BMP2K: variants seen among roughly 807,000 people sequenced by gnomAD.
BMP2K encodes the protein BMP2 inducible kinase, also known as BMP-2-inducible protein kinase.
BMP2K carries 74 observed loss-of-function variants against 116.0 expected under a neutral mutation model. That is an observed-to-expected ratio of 0.64 (90% confidence interval 0.53 to 0.77). The LOEUF (loss-of-function observed/expected upper bound fraction) is 0.77. Ranked by LOEUF, BMP2K falls within the 30% of genes least tolerant of loss-of-function variation. BMP2K has a pLI of 0.00. For synonymous variants in BMP2K, 486 were observed against 502.5 expected (o/e 0.97, Z 0.44); for missense variants, 1,365 against 1,403.6 (o/e 0.97, Z 0.44).
intron 10 of BMP2K, among the ~76,000 whole-genome samples, chr4:78,866,105 G>C (rs751627466): frequency 6.6e-6 from 1 of 152,108 alleles, no homozygotes; most frequent in Non-Finnish European, 1.5e-5. Flanking sequence ...TCTTTGTATT[G>C]CACCTAGAGC....
intron 1 of BMP2K, among the ~76,000 whole-genome samples, chr4:78,806,648 T>TA (rs1386274487): frequency 1.3e-5 from 2 of 151,706 alleles, no homozygotes; most frequent in Non-Finnish European, 2.9e-5. Context: ...AACCAAAATT[T>TA]AAAAAAAAGT....
intron 9 of BMP2K, among the ~76,000 whole-genome samples, chr4:78,862,168 AC>A (rs1731830562): frequency 1.3e-5 from 2 of 152,074 alleles, no homozygotes; most frequent in Non-Finnish European, 2.9e-5. Flanking sequence ...TTATTTGTTT[AC>A]ACAATACAAA....
chr4:78,841,658 C>T (rs899907538), intron 3 of BMP2K, among the ~76,000 whole-genome samples: 2 of 152,098 alleles, frequency 1.3e-5, no homozygotes, highest in Non-Finnish European at 2.9e-5. Context: ...CCTTGCCAGT[C>T]TCATCTCACC....
chr4:78,887,944 T>A (rs568091664), intron 15 of BMP2K: 1 of 152,436 alleles, frequency 6.6e-6, no homozygotes, highest in Admixed American at 6.5e-5. Context: ...GTTCGATATA[T>A]TCATGGTAAC....
At chr4:78,854,489 G>T (rs1168725302) in intron 7 of BMP2K, among the ~76,000 whole-genome samples, 1 of 152,002 alleles carries the variant, frequency 6.6e-6, no homozygotes, top group African/African-American at 2.4e-5. Flanking sequence ...GGTCAGGCTG[G>T]TCTTGAACTT....
intron 1 of BMP2K, among the ~76,000 whole-genome samples, chr4:78,799,032 CT>C (rs1317326855): frequency 6.6e-6 from 1 of 152,142 alleles, no homozygotes; most frequent in East Asian, 1.9e-4. Context: ...GTCTAGAGAA[CT>C]TTCTACTCCA....
At chr4:78,863,827 C>T (rs1024813706) in intron 9 of BMP2K, among the ~76,000 whole-genome samples, 1 of 152,138 alleles carries the variant, frequency 6.6e-6, no homozygotes, top group Non-Finnish European at 1.5e-5. Context: ...TAAAGTCAAA[C>T]TTATTATGAA....
intron 10 of BMP2K, among the ~76,000 whole-genome samples, chr4:78,870,072 TAA>T (rs1369910684): frequency 1.3e-5 from 2 of 152,210 alleles, no homozygotes; most frequent in East Asian, 3.8e-4. Flanking sequence ...TATATTGCAT[TAA>T]GTGTATATCT....
intron 9 of BMP2K, among the ~76,000 whole-genome samples, chr4:78,863,122 G>A (rs141133662): frequency 2.6e-4 from 39 of 152,040 alleles, no homozygotes; most frequent in African/African-American, 9.4e-4. Flanking sequence ...ATGAAATAGT[G>A]CTATTAAAAT....
intron 3 of BMP2K, among the ~76,000 whole-genome samples, chr4:78,839,436 A>T (rs933494160): frequency 6.6e-6 from 1 of 152,234 alleles, no homozygotes; most frequent in Non-Finnish European, 1.5e-5. Flanking sequence ...CCCAAATCAA[A>T]GAGCAGGAAA....
intron 10 of BMP2K, among the ~76,000 whole-genome samples, chr4:78,868,947 A>G (rs1732198913): frequency 6.6e-6 from 1 of 152,136 alleles, no homozygotes; most frequent in East Asian, 1.9e-4. Flanking sequence ...TGCAAGCTGT[A>G]GGTGGATCTA....
chr4:78,883,593 C>G (rs1239694909), intron 14 of BMP2K, among the ~76,000 whole-genome samples: 1 of 152,168 alleles, frequency 6.6e-6, no homozygotes, highest in Non-Finnish European at 1.5e-5. Context: ...ATAAGTTCCC[C>G]TCTACATGAT....
At chr4:78,783,047 T>C (rs188968590) in intron 1 of BMP2K, among the ~76,000 whole-genome samples, 2 of 152,358 alleles carry the variant, frequency 1.3e-5, no homozygotes, top group Admixed American at 1.3e-4. Context: ...AAGTTCCGAT[T>C]TGGTTATACG....
intron 1 of BMP2K, among the ~76,000 whole-genome samples, chr4:78,820,316 TTTC>T (rs926658232): frequency 1.1e-4 from 16 of 152,198 alleles, no homozygotes; most frequent in Middle Eastern, 3.4e-3. Context: ...ATACAACCAT[TTTC>T]TTCTTCTGGT....
intron 3 of BMP2K, among the ~76,000 whole-genome samples, chr4:78,836,214 G>A (rs1382875161): frequency 2.0e-5 from 3 of 151,878 alleles, no homozygotes; most frequent in Admixed American, 6.6e-5. Context: ...TCAGGAGTTC[G>A]AGACCAGCCT....
In BMP2K at chr4:78,870,928, C is replaced by CCAG. The variant is rs3063772; in HGVS notation, c.1401_1403dup (p.Gln486dup). 5.5e-3 allele frequency: 8,850 copies of CCAG among 1,599,282 alleles called. 224 individuals carry two copies. The African/African-American group carries it at 0.092, about 17-fold the overall frequency. On this transcript the variant is annotated inframe_insertion, in exon 11 of 16. Transcript: ENST00000502613. ...TCCATTTACAGCATCGTCATCCTCACCAGCAGCAGCAGCAGCAGCAGCAGC... is the reference window on the plus strand; with the variant it reads ...TCCATTTACAGCATCGTCATCCTCACCAGCAGCAGCAGCAGCAGCAGCAGCAGC...
intron 1 of BMP2K, among the ~76,000 whole-genome samples, chr4:78,790,455 G>A (rs1289257866): frequency 6.6e-6 from 1 of 152,054 alleles, no homozygotes; most frequent in Non-Finnish European, 1.5e-5. Flanking sequence ...TATCACCTAA[G>A]AGCTAAACTC....
At position 78,861,385 on chromosome 4, in the gene BMP2K, C is replaced by A; in HGVS notation, c.988-4C>A. ...ATGAGACGTTTTATTTTTTTTCTTC[C>A]AAGAATTCTTCTATTCCTTCAGCTC... On this transcript the variant is annotated splice_region_variant and splice_polypyrimidine_tract_variant and intron_variant, in intron 8 of 15. Coordinates refer to ENST00000502613, the MANE Select transcript of BMP2K (RefSeq NM_198892.2). 6.3e-7 allele frequency: 1 copy of A among 1,576,142 alleles called. No individual in the cohort carries two copies. The highest frequency in any genetic ancestry group is 8.6e-7 in the Non-Finnish European group (1 of 1,162,922).
At chr4:78,909,134 C>T (rs1226312430) in intron 15 of BMP2K, among the ~76,000 whole-genome samples, 2 of 144,110 alleles carry the variant, frequency 1.4e-5, no homozygotes, top group African/African-American at 5.2e-5. Flanking sequence ...TCTTGGCTCA[C>T]TGCAACCTCT....
Sources: gnomAD v4.1 joint callset for allele counts (sites outside exome capture counted in the v4.1 genomes callset) on GRCh38, gnomAD v4.1.1 for gene constraint, MANE v1.5 for transcripts, NCBI Gene and HGNC (gene_info 2026-07-23, HGNC 2026-07-21) for gene names.